CCDC62: variants seen among roughly 807,000 people sequenced by gnomAD.
CCDC62 encodes coiled-coil domain-containing protein 62.
A neutral mutation model predicts 80.8 loss-of-function variants in CCDC62; 72 were observed. The observed-to-expected ratio is 0.89, with a 90% confidence interval of 0.74 to 1.08. The LOEUF (loss-of-function observed/expected upper bound fraction) is 1.08. Ranked by LOEUF, CCDC62 falls within the 50% of genes least tolerant of loss-of-function variation. The pLI, the probability that CCDC62 is intolerant of heterozygous loss-of-function variation, is 0.00. For missense variants in CCDC62, 704 were observed against 809.4 expected, an observed-to-expected ratio of 0.87 and a Z score of 1.58; for synonymous variants, 286 against 296.5, an observed-to-expected ratio of 0.96 and a Z score of 0.36.
chr12:122,818,433 A>G (rs1593836221), intron 11 of CCDC62, among the ~76,000 whole-genome samples: 1 of 148,524 alleles, frequency 6.7e-6, no homozygotes, highest in East Asian at 2.0e-4. Context: ...AGCCTGGGTG[A>G]CATAGCGAGA....
chr12:122,798,039 A>T, intron 7 of CCDC62, 46 bp from the exon 8 acceptor site: 2 of 945,130 alleles, frequency 2.1e-6, no homozygotes, highest in Non-Finnish European at 3.4e-6. Context: ...GGTTCAGTTT[A>T]GTTTTGTTAT....
intron 6 of CCDC62, among the ~76,000 whole-genome samples, chr12:122,794,907 A>G (rs1269085352): frequency 6.6e-6 from 1 of 152,134 alleles, no homozygotes; most frequent in Non-Finnish European, 1.5e-5. Flanking sequence ...CTAGCCTCAG[A>G]TAATCCTCCT....
rs188186254 is a variant in CCDC62, at chr12:122,801,170, G to A, written c.1024G>A (p.Asp342Asn). 104 of 1,613,310 alleles carry A rather than the reference G, an allele frequency of 6.4e-5. No homozygotes were observed. The East Asian group carries it at 7.8e-4, about 12-fold the overall frequency. ...CCTTGAAAATAACCACCCAAAAGTC[G>A]ATATTAAGAGGGAAAAAAATCAGAA... is the stretch of plus-strand genomic sequence containing the variant. ...SDLENNHPKV[D>N]IKREKNQKSL... Residue 342 changes from aspartate to asparagine, a missense_variant, in exon 9 of 13, where the codon GAT (aspartate) becomes AAT (asparagine). Physicochemically the swap from Asp to Asn is conservative, Grantham distance 23 (BLOSUM62 1). Coordinates refer to ENST00000253079, the MANE Select transcript of CCDC62 (RefSeq NM_201435.5).
chr12:122,801,014 A>G, intron 8 of CCDC62, 110 bp from the exon 9 acceptor site: 2 of 1,196,394 alleles, frequency 1.7e-6, no homozygotes, highest in Non-Finnish European at 2.3e-6. Flanking sequence ...TGAGGTTCAG[A>G]CAAACGAGTC....
chr12:122,798,923 CA>C (rs2031127859), intron 8 of CCDC62, among the ~76,000 whole-genome samples: 1 of 150,936 alleles, frequency 6.6e-6, no homozygotes, highest in South Asian at 2.1e-4. Flanking sequence ...ACTAAAAATA[CA>C]AAAAAATTAG....
chr12:122,791,246 C>T (rs1014094034), intron 5 of CCDC62, among the ~76,000 whole-genome samples: 14 of 152,160 alleles, frequency 9.2e-5, no homozygotes, highest in African/African-American at 3.4e-4. Flanking sequence ...TCAAGCAATT[C>T]TCCTGCCTCA....
At chr12:122,805,941 C>T (rs937301599) in intron 9 of CCDC62, among the ~76,000 whole-genome samples, 4 of 152,140 alleles carry the variant, frequency 2.6e-5, no homozygotes, top group African/African-American at 9.7e-5. Flanking sequence ...GCATGAGCTA[C>T]CATGCCCAGC....
chr12:122,801,601 A>G lies in CCDC62; in HGVS notation c.1455A>G (p.Glu485=), dbSNP rs200798716. 436 of 1,614,056 alleles carry G rather than the reference A, an allele frequency of 2.7e-4. No homozygotes were observed. Among genetic ancestry groups the G allele is most frequent in the Non-Finnish European group, 3.5e-4 (411 of 1,180,038 alleles). The change falls in exon 9 of 13, where the codon GAA becomes GAG. Residue 485 remains glutamate (E), a synonymous_variant. Transcript: ENST00000253079. ...SSKHPEKLDV[E]CQDQMERSEI... ...AACATCCAGAAAAGCTGGATGTAGAATGTCAAGATCAGATGGAAAGGTCCG... is the reference window on the plus strand; with the variant it reads ...AACATCCAGAAAAGCTGGATGTAGAGTGTCAAGATCAGATGGAAAGGTCCG...
At chr12:122,788,384 G>A (rs1037112554) in intron 4 of CCDC62, among the ~76,000 whole-genome samples, 1 of 152,170 alleles carries the variant, frequency 6.6e-6, no homozygotes, top group Admixed American at 6.6e-5. Context: ...CCATCCAGGG[G>A]CCACCCACCC....
intron 5 of CCDC62, 99 bp downstream of exon 5, chr12:122,789,028 T>A: frequency 2.2e-6 from 2 of 916,882 alleles, no homozygotes; most frequent in Non-Finnish European, 3.2e-6. Flanking sequence ...GTAGATCAAT[T>A]CCTGGCCTTA....
chr12:122,822,773 C>T (rs1479542063), intron 11 of CCDC62, among the ~76,000 whole-genome samples: 1 of 151,844 alleles, frequency 6.6e-6, no homozygotes, highest in Non-Finnish European at 1.5e-5. Context: ...TAATGTCCTC[C>T]AGGTTCATCC....
chr12:122,777,754 G>A, intron 2 of CCDC62, 71 bp downstream of exon 2: 1 of 1,418,816 alleles, frequency 7.0e-7, no homozygotes, highest in Non-Finnish European at 9.8e-7. Context: ...TCATAGGGAA[G>A]ATAGAGAGGA....
chr12:122,777,678 T>A lies in CCDC62; in HGVS notation c.224T>A (p.Leu75Ter). The change falls in exon 2 of 13, where the codon TTA becomes TAA. Residue 75 changes from leucine to a stop codon, truncating the protein, a stop_gained. Coordinates refer to ENST00000253079, the MANE Select transcript of CCDC62 (RefSeq NM_201435.5). LOFTEE classifies it high-confidence loss of function. The part of the protein sequence containing the change: ...VLTLEERCSK[L>*]EGELHKRTEI... ...ACACTGGAAGAACGTTGCAGCAAAT[T>A]AGAAGGTCAGAAATACATTCAGGGA... The A allele has an allele frequency of 3.7e-6, 6 of 1,613,852 alleles. No individual in the cohort carries two copies. The highest frequency in any genetic ancestry group is 5.1e-6 in the Non-Finnish European group (6 of 1,179,822).
chr12:122,786,578 A>G (rs2030248290), intron 4 of CCDC62, among the ~76,000 whole-genome samples: 1 of 152,174 alleles, frequency 6.6e-6, no homozygotes, highest in Non-Finnish European at 1.5e-5. Flanking sequence ...TTAAGGGAAC[A>G]ATGTTGGTAT....
At chr12:122,778,916 AT>A (rs1879652154) in intron 2 of CCDC62, among the ~76,000 whole-genome samples, 1 of 152,070 alleles carries the variant, frequency 6.6e-6, no homozygotes, top group East Asian at 1.9e-4. Flanking sequence ...CAAATATATG[AT>A]TTTTTCGTTT....
intron 10 of CCDC62, among the ~76,000 whole-genome samples, chr12:122,812,773 GAGAGAGAA>G (rs571323405): frequency 0.14 from 9,231 of 68,038 alleles, 381 homozygotes; most frequent in Admixed American, 0.15. Context: ...GAGAGAGAGA[GAGAGAGAA>G]AGAAAGAAAG....
chr12:122,777,751 G>A, intron 2 of CCDC62, 68 bp downstream of exon 2: 2 of 1,429,958 alleles, frequency 1.4e-6, no homozygotes, highest in Non-Finnish European at 1.9e-6. Flanking sequence ...GGCTCATAGG[G>A]AAGATAGAGA....
chr12:122,789,476 A>T (rs1435393361), intron 5 of CCDC62, among the ~76,000 whole-genome samples: 1 of 152,208 alleles, frequency 6.6e-6, no homozygotes, highest in Non-Finnish European at 1.5e-5. Flanking sequence ...TCTGTCACCC[A>T]GGCTGGAGTG....
At chr12:122,789,925 C>G (rs927576266) in intron 5 of CCDC62, among the ~76,000 whole-genome samples, 9 of 151,214 alleles carry the variant, frequency 6.0e-5, no homozygotes, top group Admixed American at 2.6e-4. Context: ...TAGCATGGCA[C>G]AAGGGCTACA....
Sources: gnomAD v4.1 joint callset for allele counts (sites outside exome capture counted in the v4.1 genomes callset) on GRCh38, gnomAD v4.1.1 for gene constraint, MANE v1.5 for transcripts, NCBI Gene and HGNC (gene_info 2026-07-23, HGNC 2026-07-21) for gene names.